SRGAP3: variants seen among roughly 807,000 people sequenced by gnomAD.
SRGAP3 encodes SLIT-ROBO Rho GTPase-activating protein 3.
SRGAP3 carries 39 observed loss-of-function variants against 121.1 expected under a neutral mutation model. That is an observed-to-expected ratio of 0.32 (90% CI 0.25 to 0.42). The LOEUF (loss-of-function observed/expected upper bound fraction) is 0.42, where lower values mean the gene tolerates loss of function less well. SRGAP3 is among the 10% of genes least tolerant of loss of function. The pLI is 1.00. For missense variants in SRGAP3, 1,213 were observed against 1,470.6 expected (o/e 0.82, Z 2.86); for synonymous variants, 601 against 570.0 (o/e 1.05, Z -0.77).
intron 1 of SRGAP3, among the ~76,000 whole-genome samples, chr3:9,144,173 T>C (rs975060768): frequency 5.9e-5 from 9 of 152,268 alleles, no homozygotes; most frequent in African/African-American, 2.2e-4. Context: ...CAATGGATCA[T>C]GGTTGCTTTT....
At chr3:9,032,370 T>C (rs1365300277) in intron 12 of SRGAP3, among the ~76,000 whole-genome samples, 1 of 152,220 alleles carries the variant, frequency 6.6e-6, no homozygotes, top group Non-Finnish European at 1.5e-5. Flanking sequence ...GTGAATGAAG[T>C]GTGGCATTTC....
intron 3 of SRGAP3, among the ~76,000 whole-genome samples, chr3:9,089,679 A>G (rs1212953814): frequency 2.0e-5 from 3 of 152,112 alleles, no homozygotes; most frequent in Non-Finnish European, 2.9e-5. Flanking sequence ...TAAACCAGAC[A>G]TGGTCATGTC....
intron 1 of SRGAP3, among the ~76,000 whole-genome samples, chr3:9,244,784 G>A (rs1182696059): frequency 6.6e-6 from 1 of 152,214 alleles, no homozygotes; most frequent in Non-Finnish European, 1.5e-5. Flanking sequence ...GGACACTTAT[G>A]AGCACCTAGG....
intron 1 of SRGAP3, among the ~76,000 whole-genome samples, chr3:9,213,221 A>G (rs542042613): frequency 2.6e-5 from 4 of 152,258 alleles, no homozygotes; most frequent in African/African-American, 9.6e-5. Context: ...TGTCCACAGA[A>G]AAGACTGGTC....
chr3:9,263,834 A>C (rs981625202), intron 3 of SRGAP3, among the ~76,000 whole-genome samples: 4 of 152,196 alleles, frequency 2.6e-5, no homozygotes, highest in African/African-American at 9.6e-5. Flanking sequence ...TATTCCAAAC[A>C]ATAGAAAAAG....
intron 1 of SRGAP3, among the ~76,000 whole-genome samples, chr3:9,202,887 C>T (rs533136827): frequency 6.6e-6 from 1 of 152,366 alleles, no homozygotes; most frequent in South Asian, 2.1e-4. Flanking sequence ...AAGCCTCCTT[C>T]CTTTCCTTTT....
chr3:9,030,903 C>T lies in SRGAP3; in HGVS notation c.1539+1747G>A, dbSNP rs150141749. Among the ~76,000 whole-genome samples, 924 of 152,258 alleles carry T rather than the reference C, an allele frequency of 6.1e-3. 2 individuals carry two copies. Among genetic ancestry groups the T allele is most frequent in the Non-Finnish European group, 9.2e-3 (623 of 68,022 alleles). On this transcript the variant is annotated intron_variant, in intron 12 of 21. Coordinates refer to ENST00000383836, the MANE Select transcript of SRGAP3 (RefSeq NM_014850.4). ...TCCCATCTTTCTCTCAAAGCCCCTCCAGAAGCCTACTGTGCTTGAGCTCAT... is the reference window on the plus strand; with the variant it reads ...TCCCATCTTTCTCTCAAAGCCCCTCTAGAAGCCTACTGTGCTTGAGCTCAT...
chr3:9,132,174 C>T (rs1949480042), intron 1 of SRGAP3, among the ~76,000 whole-genome samples: 1 of 152,144 alleles, frequency 6.6e-6, no homozygotes, highest in Non-Finnish European at 1.5e-5. Flanking sequence ...CATATATCCC[C>T]TCTCCACTGC....
chr3:9,261,481 A>G (rs377357127), intron 3 of SRGAP3, among the ~76,000 whole-genome samples: 1 of 152,086 alleles, frequency 6.6e-6, no homozygotes, highest in East Asian at 1.9e-4. Flanking sequence ...GCTAACTAGA[A>G]TAACCAGTTT....
At chr3:9,034,140 T>C (rs1046243958) in intron 11 of SRGAP3, 3 of 152,234 alleles carry the variant, frequency 2.0e-5, no homozygotes, top group African/African-American at 4.8e-5. Flanking sequence ...TATACCTGTG[T>C]TGGCTTATTT....
intron 1 of SRGAP3, among the ~76,000 whole-genome samples, chr3:9,210,240 A>G (rs1952403359): frequency 6.6e-6 from 1 of 152,250 alleles, no homozygotes; most frequent in African/African-American, 2.4e-5. Flanking sequence ...TAGCTGCACA[A>G]TTCTGAATAT....
intron 1 of SRGAP3, among the ~76,000 whole-genome samples, chr3:9,170,089 C>T (rs749976244): frequency 7.2e-5 from 11 of 152,252 alleles, no homozygotes; most frequent in South Asian, 2.1e-4. Context: ...CACCTGACAC[C>T]GCCCCACAGG....
chr3:9,007,206 G>C (rs1463121297), intron 18 of SRGAP3: 2 of 152,160 alleles, frequency 1.3e-5, no homozygotes, highest in Admixed American at 1.3e-4. Context: ...CTGGGCTCAA[G>C]TGATCTGCCC....
chr3:9,028,074 G>A (rs771317986), intron 12 of SRGAP3: 3 of 1,613,980 alleles, frequency 1.9e-6, no homozygotes, highest in Non-Finnish European at 2.5e-6. Flanking sequence ...CGGTGAATGG[G>A]GCTAATGGGC....
At chr3:9,258,027 C>T (rs181721915) in intron 3 of SRGAP3, among the ~76,000 whole-genome samples, 24 of 152,076 alleles carry the variant, frequency 1.6e-4, no homozygotes, top group Admixed American at 7.9e-4. Flanking sequence ...CTTAAGCACT[C>T]GATATAGTCT....
Position 9,053,144 on chromosome 3 carries a change from G to C in SRGAP3, c.1206C>G (p.Phe402Leu). ...TVEDFDVSDA[F>L]QHSRSTESVK... ...CGGACTCTGTCGATCGACTGTGTTG[G>C]AAGGCATCGGAGACATCAAAGTCCT... The change falls in exon 9 of 22, where the codon TTC (phenylalanine) becomes TTG (leucine). Residue 402 changes from phenylalanine to leucine, a missense_variant. By Grantham distance (22) the Phe-to-Leu change is conservative (BLOSUM62 0). Coordinates refer to ENST00000383836, the MANE Select transcript of SRGAP3 (RefSeq NM_014850.4). 6.2e-7 allele frequency: 1 copy of C among 1,614,208 alleles called. No individual in the cohort carries two copies. The highest frequency in any genetic ancestry group is 8.5e-7 in the Non-Finnish European group (1 of 1,180,050).
intron 1 of SRGAP3, among the ~76,000 whole-genome samples, chr3:9,332,675 T>C (rs1955629218): frequency 6.6e-6 from 1 of 152,206 alleles, no homozygotes; most frequent in Admixed American, 6.5e-5. Context: ...CTGAAACCAA[T>C]TAATTTTTTT....
At chr3:9,240,898 C>T (rs570341738) in intron 1 of SRGAP3, among the ~76,000 whole-genome samples, 3 of 152,234 alleles carry the variant, frequency 2.0e-5, no homozygotes, top group South Asian at 2.1e-4. Context: ...TCTGACACAC[C>T]GCGGTGGCAT....
chr3:9,004,276 C>G (rs980155405), intron 18 of SRGAP3, among the ~76,000 whole-genome samples: 2 of 152,126 alleles, frequency 1.3e-5, no homozygotes, highest in African/African-American at 4.8e-5. Flanking sequence ...AATTAAAGAT[C>G]TAAATAATTG....
Sources: gnomAD v4.1 joint callset for allele counts (sites outside exome capture counted in the v4.1 genomes callset) on GRCh38, gnomAD v4.1.1 for gene constraint, MANE v1.5 for transcripts, NCBI Gene and HGNC (gene_info 2026-07-23, HGNC 2026-07-21) for gene names.